KCNQ5: variants seen among roughly 807,000 people sequenced by gnomAD.
KCNQ5 encodes potassium voltage-gated channel subfamily KQT member 5.
KCNQ5 carries 30 observed loss-of-function variants against 98.2 expected under a neutral mutation model. That is an observed-to-expected ratio of 0.31 (90% confidence interval 0.23 to 0.41). The LOEUF (loss-of-function observed/expected upper bound fraction) is 0.41, where lower values mean the gene tolerates loss of function less well. KCNQ5 is among the 10% of genes least tolerant of loss of function. The pLI is 1.00. For synonymous variants in KCNQ5, 458 were observed against 449.4 expected, an observed-to-expected ratio of 1.02 and a Z score of -0.24; for missense variants, 835 against 1,182.5, an observed-to-expected ratio of 0.71 and a Z score of 4.31.
chr6:72,873,386 C>G (rs191052074), intron 1 of KCNQ5, among the ~76,000 whole-genome samples: 1 of 152,196 alleles, frequency 6.6e-6, no homozygotes, highest in Non-Finnish European at 1.5e-5. Flanking sequence ...CTGAAGTATA[C>G]TATCAATTTT....
At chr6:72,829,500 T>C (rs1488910397) in intron 1 of KCNQ5, among the ~76,000 whole-genome samples, 1 of 152,210 alleles carries the variant, frequency 6.6e-6, no homozygotes, top group African/African-American at 2.4e-5. Context: ...TAAAGGTCTC[T>C]CTCTCTGTCT....
At chr6:73,038,767 G>A (rs1463481399) in intron 2 of KCNQ5, among the ~76,000 whole-genome samples, 1 of 151,908 alleles carries the variant, frequency 6.6e-6, no homozygotes, top group Non-Finnish European at 1.5e-5. Context: ...GATTTTTTGT[G>A]TCTAAGTTTA....
At chr6:72,968,559 A>G (rs1767729485) in intron 1 of KCNQ5, among the ~76,000 whole-genome samples, 1 of 152,198 alleles carries the variant, frequency 6.6e-6, no homozygotes, top group African/African-American at 2.4e-5. Context: ...GACAATGATT[A>G]TTAGGGACTT....
chr6:73,074,653 A>AATAT (rs1773444130), intron 3 of KCNQ5, among the ~76,000 whole-genome samples: 2 of 152,076 alleles, frequency 1.3e-5, no homozygotes, highest in African/African-American at 4.8e-5. Flanking sequence ...AAATGAATAC[A>AATAT]ATATATGCTT....
At chr6:73,188,451 A>G (rs113359016) in intron 11 of KCNQ5, among the ~76,000 whole-genome samples, 3 of 152,316 alleles carry the variant, frequency 2.0e-5, no homozygotes, top group South Asian at 2.1e-4. Context: ...CCACCCAGTC[A>G]TCATTAGCTA....
chr6:72,629,834 C>A (rs918316532), intron 1 of KCNQ5, among the ~76,000 whole-genome samples: 1 of 152,108 alleles, frequency 6.6e-6, no homozygotes, highest in Non-Finnish European at 1.5e-5. Flanking sequence ...TATTTGGTTG[C>A]AACCTGGGAG....
intron 5 of KCNQ5, among the ~76,000 whole-genome samples, chr6:73,082,621 G>A (rs1052940855): frequency 6.6e-6 from 1 of 152,218 alleles, no homozygotes; most frequent in Admixed American, 6.5e-5. Flanking sequence ...AAAATGTCAC[G>A]CTCACATGGG....
intron 3 of KCNQ5, among the ~76,000 whole-genome samples, chr6:73,047,621 A>G (rs1341958929): frequency 1.3e-5 from 2 of 152,180 alleles, no homozygotes; most frequent in Non-Finnish European, 2.9e-5. Flanking sequence ...ATTATTTCCC[A>G]CTCTTTCTAT....
chr6:73,123,821 T>C (rs1775841038), intron 8 of KCNQ5, among the ~76,000 whole-genome samples: 1 of 152,128 alleles, frequency 6.6e-6, no homozygotes, highest in African/African-American at 2.4e-5. Flanking sequence ...AAGCCTTTGA[T>C]TTACTCATAA....
chr6:73,029,447 A>G (rs900422665), intron 2 of KCNQ5, among the ~76,000 whole-genome samples: 2 of 151,972 alleles, frequency 1.3e-5, no homozygotes, highest in Non-Finnish European at 2.9e-5. Flanking sequence ...AATGCATTCT[A>G]AAACACTTGG....
chr6:72,627,455 T>C (rs1241525726), intron 1 of KCNQ5, among the ~76,000 whole-genome samples: 2 of 152,084 alleles, frequency 1.3e-5, no homozygotes, highest in Admixed American at 6.5e-5. Flanking sequence ...GGAAGATGCA[T>C]ACGGAAAAAA....
intron 1 of KCNQ5, among the ~76,000 whole-genome samples, chr6:72,707,455 C>T (rs1265152654): frequency 6.6e-6 from 1 of 152,036 alleles, no homozygotes; most frequent in Non-Finnish European, 1.5e-5. Context: ...CGTTGTTATA[C>T]TTTATATCTG....
intron 1 of KCNQ5, among the ~76,000 whole-genome samples, chr6:72,884,045 A>G (rs1001857784): frequency 5.9e-5 from 9 of 152,212 alleles, no homozygotes; most frequent in African/African-American, 2.2e-4. Flanking sequence ...GTTTCTCAGA[A>G]TTTATATGAT....
intron 5 of KCNQ5, 26 bp downstream of exon 5, chr6:73,077,913 T>G (rs1369986502): frequency 6.4e-7 from 1 of 1,555,528 alleles, no homozygotes; most frequent in Non-Finnish European, 8.7e-7. Context: ...CATTTTTTAT[T>G]TATTGGATGT....
chr6:72,676,204 C>T (rs549235371), intron 1 of KCNQ5, among the ~76,000 whole-genome samples: 151 of 152,280 alleles, frequency 9.9e-4, no homozygotes, highest in African/African-American at 3.5e-3. Flanking sequence ...TTATCTTGAA[C>T]ACAAAGACAC....
rs528453257 is a variant in KCNQ5 at position 72,667,595 on chromosome 6, G to A, written c.398+45008G>A. ...ACCCAAGATATTTATTAATTACGAA[G>A]AAAAAGATAGTCACTTTACAGTGAA... On this transcript the variant is annotated intron_variant, in intron 1 of 13. Transcript: ENST00000370398. Among the ~76,000 whole-genome samples, 7 of 152,130 alleles carry A rather than the reference G, an allele frequency of 4.6e-5. No individual in the cohort carries two copies. In the South Asian group the frequency reaches 8.3e-4, roughly 18 times the overall value.
chr6:73,102,135 C>T (rs1371553760), intron 5 of KCNQ5, among the ~76,000 whole-genome samples: 1 of 152,062 alleles, frequency 6.6e-6, no homozygotes, highest in African/African-American at 2.4e-5. Context: ...GTACCAAGAA[C>T]ATGCAACGAG....
chr6:72,990,497 ACATT>A (rs1307300653), intron 1 of KCNQ5, among the ~76,000 whole-genome samples: 1 of 22,978 alleles, frequency 4.4e-5, no homozygotes, highest in African/African-American at 2.0e-4. Context: ...TGATTTTTGT[ACATT>A]GATTTTGTAT....
chr6:73,122,957 T>C (rs1335714935), intron 8 of KCNQ5, among the ~76,000 whole-genome samples: 1 of 152,198 alleles, frequency 6.6e-6, no homozygotes, highest in Admixed American at 6.5e-5. Flanking sequence ...AGAAACAGAC[T>C]ACAATTACTA....
Sources: gnomAD v4.1 joint callset for allele counts (sites outside exome capture counted in the v4.1 genomes callset) on GRCh38, gnomAD v4.1.1 for gene constraint, MANE v1.5 for transcripts, NCBI Gene and HGNC (gene_info 2026-07-23, HGNC 2026-07-21) for gene names.